Variants in IFI44L observed in about 807,000 individuals in gnomAD.
The protein encoded by IFI44L is interferon induced protein 44 like.
IFI44L carries 40 observed loss-of-function variants against 39.3 expected under a neutral mutation model. The observed-to-expected ratio is 1.02, with a 90% CI of 0.79 to 1.33. IFI44L has a LOEUF of 1.33. IFI44L is among the 40% of genes most tolerant of loss of function. The pLI is 0.00. For missense variants in IFI44L, 623 were observed against 549.0 expected, an observed-to-expected ratio of 1.13 and a Z score of -1.35; for synonymous variants, 198 against 182.3, an observed-to-expected ratio of 1.09 and a Z score of -0.69.
intron 4 of IFI44L, among the ~76,000 whole-genome samples, chr1:78,633,098 T>TAACA (rs1245799306): frequency 5.9e-5 from 9 of 152,054 alleles, no homozygotes; most frequent in African/African-American, 2.2e-4. Context: ...AGCACAATAA[T>TAACA]AACAAAAGAT....
At chr1:78,622,024 A>T (rs1264498838) in intron 1 of IFI44L, among the ~76,000 whole-genome samples, 1 of 152,002 alleles carries the variant, frequency 6.6e-6, no homozygotes, top group Non-Finnish European at 1.5e-5. Context: ...TAGAACTTCT[A>T]CCTTCTATTT....
intron 1 of IFI44L, among the ~76,000 whole-genome samples, chr1:78,624,787 G>T (rs1264907671): frequency 6.6e-6 from 1 of 152,056 alleles, no homozygotes; most frequent in Non-Finnish European, 1.5e-5. Flanking sequence ...ATTTATAACG[G>T]TTATATTTTT....
intron 2 of IFI44L, chr1:78,628,737 A>G: frequency 1.8e-6 from 1 of 547,730 alleles, no homozygotes; most frequent in Non-Finnish European, 3.3e-6. Flanking sequence ...TAGAACTTCT[A>G]GGTGTAATTA....
In IFI44L at chr1:78,644,007, G is replaced by A. The variant is rs1647020460; in HGVS notation, c.*2198G>A. ...TTAATGTTTGCTGTTCATTAGGATGGTTTCACAGTTACCATACAAATGTAG... is the reference window on the plus strand; with the variant it reads ...TTAATGTTTGCTGTTCATTAGGATGATTTCACAGTTACCATACAAATGTAG... On this transcript the variant is annotated 3_prime_UTR_variant, in exon 9 of 9. Coordinates refer to ENST00000370751, the MANE Select transcript of IFI44L (RefSeq NM_006820.4). 6.6e-6 allele frequency: 1 copy of A among 152,080 alleles called. No individual in the cohort carries two copies. Among genetic ancestry groups the A allele is most frequent in the Admixed American group, 6.6e-5 (1 of 15,252 alleles). The allele number at this position is 152,080 out of a possible 1,614,324, so 9.4% of individuals were successfully genotyped here. A position where few individuals can be genotyped will look rare whatever the true frequency, so the allele number is the denominator to read the frequency against.
chr1:78,632,057 C>A (rs1236711113), intron 4 of IFI44L, among the ~76,000 whole-genome samples: 1 of 151,428 alleles, frequency 6.6e-6, no homozygotes, highest in Non-Finnish European at 1.5e-5. Context: ...TCATAAAGTA[C>A]TTCTAATGCA....
chr1:78,641,676 A>G (rs1222184502), intron 8 of IFI44L, 67 bp downstream of exon 8: 3 of 1,607,594 alleles, frequency 1.9e-6, no homozygotes, highest in East Asian at 2.2e-5. Context: ...TAAGTTATAC[A>G]TCAGTTATTA....
chr1:78,627,797 T>A (rs546753921), intron 1 of IFI44L, 109 bp from the exon 2 acceptor site: 74 of 523,102 alleles, frequency 1.4e-4, no homozygotes, highest in African/African-American at 1.3e-3. Flanking sequence ...AAACAATGTG[T>A]TTTAATTGAG....
chr1:78,639,472 A>T (rs1304296729), intron 6 of IFI44L, among the ~76,000 whole-genome samples: 1 of 151,966 alleles, frequency 6.6e-6, no homozygotes, highest in East Asian at 1.9e-4. Context: ...CAGCAAAAAA[A>T]ATTTTCCTTT....
intron 1 of IFI44L, among the ~76,000 whole-genome samples, chr1:78,621,403 C>T (rs1399746610): frequency 6.6e-6 from 1 of 152,112 alleles, no homozygotes; most frequent in East Asian, 1.9e-4. Context: ...TCCCAAGTAC[C>T]TGGGATTACA....
chr1:78,620,542 AT>A lies in IFI44L; in HGVS notation c.-37del, dbSNP rs1389588339. 2.0e-5 allele frequency: 3 copies of A among 152,188 alleles called. No homozygotes were observed. Among genetic ancestry groups the A allele is most frequent in the African/African-American group, 7.2e-5 (3 of 41,444 alleles). 9.4% of individuals were successfully genotyped at this position (152,188 alleles called of 1,614,324 possible). On this transcript the variant is annotated 5_prime_UTR_variant, in exon 1 of 9. Transcript: ENST00000370751. ...AATCAGACAGAACAGTTAATCCTCA[AT>A]TTAAGCCTGATCTAACCCCTAGAAA... is the stretch of plus-strand genomic sequence containing the variant.
rs1652561276 is a variant in IFI44L at position 78,628,023 on chromosome 1, C to T, written c.108C>T (p.Ser36=). Residue 36 remains serine (S), a synonymous_variant, in exon 2 of 9, where the codon AGC becomes AGT. Transcript: ENST00000370751. The part of the protein sequence containing the change: ...LLYKSSVHGG[S]IEDMVERCSR... ...ATAAGTCTAGTGTTCATGGAGGTAG[C>T]ATTGAAGATATGGTTGAAAGATGCA... The T allele has an allele frequency of 6.2e-7, 1 of 1,613,072 alleles. No homozygotes were observed. The highest frequency in any genetic ancestry group is 1.3e-5 in the African/African-American group (1 of 74,994).
At chr1:78,628,926 A>G (rs755490811) in intron 2 of IFI44L, 25 bp from the exon 3 acceptor site, 5 of 1,427,700 alleles carry the variant, frequency 3.5e-6, no homozygotes, top group Non-Finnish European at 4.9e-6. Context: ...TTAAAAATGT[A>G]TTATGCTATG....
intron 1 of IFI44L, chr1:78,620,951 G>A (rs1159985387): frequency 2.6e-5 from 4 of 152,018 alleles, no homozygotes; most frequent in Non-Finnish European, 5.9e-5. Flanking sequence ...AAGCTTCCAC[G>A]TGTGAGTGAG....
chr1:78,624,729 C>G (rs1652420901), intron 1 of IFI44L, among the ~76,000 whole-genome samples: 1 of 152,246 alleles, frequency 6.6e-6, no homozygotes, highest in East Asian at 1.9e-4. Flanking sequence ...TCAATTCTTT[C>G]AGTGTTTGCT....
chr1:78,631,276 C>T (rs1034960043), intron 4 of IFI44L, among the ~76,000 whole-genome samples: 2 of 152,114 alleles, frequency 1.3e-5, no homozygotes, highest in African/African-American at 4.8e-5. Context: ...TAGGAAGATG[C>T]ATATTGGTGT....
intron 1 of IFI44L, chr1:78,626,373 A>T (rs1652487150): frequency 6.6e-6 from 1 of 152,016 alleles, no homozygotes; most frequent in South Asian, 2.1e-4. Flanking sequence ...CAGTATAAGT[A>T]TGTGTTTGTT....
At position 78,641,924 on chromosome 1, in the gene IFI44L, T is replaced by C; in HGVS notation, c.*115T>C. On this transcript the variant is annotated 3_prime_UTR_variant, in exon 9 of 9. Coordinates refer to ENST00000370751, the MANE Select transcript of IFI44L (RefSeq NM_006820.4). ...TTGCTTTTGTTCGTTTTGCCTTCTG[T>C]CCTTGGAACAGTCATATCTCAAGTT... 8.6e-7 allele frequency: 1 copy of C among 1,169,262 alleles called. No homozygotes were observed. 72.4% of individuals were successfully genotyped at this position (1,169,262 alleles called of 1,614,324 possible).
At chr1:78,635,010 G>A (rs1214844497) in intron 4 of IFI44L, among the ~76,000 whole-genome samples, 3 of 76,758 alleles carry the variant, frequency 3.9e-5, no homozygotes, top group Non-Finnish European at 7.3e-5. Context: ...ATGTGTGTGT[G>A]TGTGTGTGTG....
rs1646983857 is a variant in IFI44L at position 78,641,545 on chromosome 1, T to C, written c.1260T>C (p.Ser420=). 1 of 1,613,676 alleles carries C rather than the reference T, an allele frequency of 6.2e-7. No individual in the cohort carries two copies. Among genetic ancestry groups the C allele is most frequent in the Non-Finnish European group, 8.5e-7 (1 of 1,179,748 alleles). ...CCATGAAGGATATTCTCATCCTCTCTGCACTGAGGCAGATGCTGCGGGCTG... is the reference window on the plus strand; with the variant it reads ...CCATGAAGGATATTCTCATCCTCTCCGCACTGAGGCAGATGCTGCGGGCTG... ...LDPMKDILIL[S]ALRQMLRAAD... Residue 420 remains serine (S), a synonymous_variant, in exon 8 of 9, where the codon TCT becomes TCC. Coordinates refer to ENST00000370751, the MANE Select transcript of IFI44L (RefSeq NM_006820.4).
Sources: gnomAD v4.1 joint callset for allele counts (sites outside exome capture counted in the v4.1 genomes callset) on GRCh38, gnomAD v4.1.1 for gene constraint, MANE v1.5 for transcripts, NCBI Gene and HGNC (gene_info 2026-07-23, HGNC 2026-07-21) for gene names.